Variants in DACH1 observed in about 807,000 individuals in gnomAD.
DACH1 encodes dachshund family transcription factor 1.
In DACH1, 12 loss-of-function variants were observed where a neutral mutation model predicts 54.2. The ratio of observed to expected loss-of-function variants is 0.22; its 90% CI spans 0.14 to 0.36. DACH1 has a LOEUF of 0.36. Among genes scored for constraint, DACH1 ranks in the 10% least tolerant of loss-of-function variants. The pLI is 1.00. For missense variants in DACH1, 805 were observed against 929.8 expected, an observed-to-expected ratio of 0.87 and a Z score of 1.75; for synonymous variants, 386 against 366.2, an observed-to-expected ratio of 1.05 and a Z score of -0.62.
intron 2 of DACH1, among the ~76,000 whole-genome samples, chr13:71,652,506 C>T (rs1421487572): frequency 6.6e-6 from 1 of 151,990 alleles, no homozygotes; most frequent in Non-Finnish European, 1.5e-5. Flanking sequence ...TTTAAAACTC[C>T]GAAGAACTAT....
At chr13:71,532,553 A>C (rs1882483946) in intron 6 of DACH1, among the ~76,000 whole-genome samples, 1 of 152,020 alleles carries the variant, frequency 6.6e-6, no homozygotes, top group African/African-American at 2.4e-5. Flanking sequence ...ATTATGAAAA[A>C]TGTATGCTAC....
intron 1 of DACH1, among the ~76,000 whole-genome samples, chr13:71,694,168 A>G (rs776928129): frequency 6.6e-6 from 1 of 151,992 alleles, no homozygotes; most frequent in Non-Finnish European, 1.5e-5. Flanking sequence ...GAAAATGTAC[A>G]TAACTAATTT....
At position 71,866,260 on chromosome 13, in the gene DACH1, T is replaced by C; in HGVS notation, c.510A>G (p.Lys170=). Residue 170 remains lysine (K), a synonymous_variant, in exon 1 of 11, where the codon AAA becomes AAG. Transcript: ENST00000613252. ...CTGGGGACGGGGTTGAGTACACGGGTTTCCCGGGGAGGGGGCCGCAGCTGC... is the reference window on the plus strand; with the variant it reads ...CTGGGGACGGGGTTGAGTACACGGGCTTCCCGGGGAGGGGGCCGCAGCTGC... The part of the protein sequence containing the change: ...SSSSCGPLPG[K]PVYSTPSPVE... The C allele has an allele frequency of 6.2e-7, 1 of 1,603,478 alleles. No homozygotes were observed.
intron 1 of DACH1, among the ~76,000 whole-genome samples, chr13:71,779,305 T>TACGTA (rs1178406932): frequency 6.9e-6 from 1 of 144,194 alleles, no homozygotes; most frequent in African/African-American, 2.6e-5. Flanking sequence ...ATATATATAT[T>TACGTA]TATATACATA....
At chr13:71,596,196 G>A (rs1033888784) in intron 3 of DACH1, among the ~76,000 whole-genome samples, 2 of 152,024 alleles carry the variant, frequency 1.3e-5, no homozygotes, top group African/African-American at 4.8e-5. Context: ...GTTTTCACTG[G>A]AAATAGTGTA....
intron 1 of DACH1, among the ~76,000 whole-genome samples, chr13:71,864,478 C>G (rs1874581457): frequency 6.6e-6 from 1 of 152,112 alleles, no homozygotes; most frequent in South Asian, 2.1e-4. Flanking sequence ...CCTAAGTTTC[C>G]CTATCTCTGC....
intron 1 of DACH1, among the ~76,000 whole-genome samples, chr13:71,814,872 G>A (rs1034587694): frequency 1.5e-4 from 23 of 152,160 alleles, no homozygotes; most frequent in African/African-American, 5.3e-4. Context: ...TTTTAGAGAA[G>A]GAGTTTGAAA....
At chr13:71,574,614 A>C (rs9564833) in intron 3 of DACH1, among the ~76,000 whole-genome samples, 39,590 of 151,882 alleles carry the variant, frequency 0.26, 7,446 homozygotes, top group African/African-American at 0.49. Context: ...AATTCAAACT[A>C]ATTAGCTCAA....
At chr13:71,556,961 T>A in intron 6 of DACH1, 63 bp downstream of exon 6, 4 of 1,481,310 alleles carry the variant, frequency 2.7e-6, no homozygotes, top group East Asian at 2.5e-5. Context: ...CATTGTGTGA[T>A]TAAAATCTAG....
chr13:71,723,524 C>G (rs1056828367), intron 1 of DACH1, among the ~76,000 whole-genome samples: 57 of 152,224 alleles, frequency 3.7e-4, no homozygotes, highest in African/African-American at 1.3e-3. Flanking sequence ...TAAATAGGTA[C>G]CTGAACAGTA....
chr13:71,555,275 A>T (rs1884165540), intron 6 of DACH1, among the ~76,000 whole-genome samples: 1 of 152,136 alleles, frequency 6.6e-6, no homozygotes, highest in Admixed American at 6.6e-5. Context: ...TATTATATTT[A>T]AATATCATTA....
At position 71,441,583 on chromosome 13, in the gene DACH1, G is replaced by A. The variant is rs532740018; in HGVS notation, c.2084-891C>T. ...AACAATCAGAAAAGGAAAGTTTTCC[G>A]AGCTTTGAAAAGTACATATTGCCAT... On this transcript the variant is annotated intron_variant, in intron 10 of 10. Transcript: ENST00000613252. Among the ~76,000 whole-genome samples, 8 of 152,048 alleles carry A rather than the reference G, an allele frequency of 5.3e-5. No homozygotes were observed. In the East Asian group the frequency reaches 5.8e-4, roughly 11 times the overall value.
At chr13:71,530,013 T>C (rs1391768087) in intron 6 of DACH1, among the ~76,000 whole-genome samples, 1 of 152,194 alleles carries the variant, frequency 6.6e-6, no homozygotes, top group Admixed American at 6.5e-5. Flanking sequence ...GTTGGCTTTT[T>C]CTCTTTTTGA....
chr13:71,473,600 T>C (rs893702880), intron 10 of DACH1, among the ~76,000 whole-genome samples: 3 of 152,188 alleles, frequency 2.0e-5, no homozygotes, highest in African/African-American at 7.2e-5. Flanking sequence ...GGCATACATA[T>C]TATATCATCA....
chr13:71,669,852 G>A (rs1180961041), intron 2 of DACH1, among the ~76,000 whole-genome samples: 1 of 152,160 alleles, frequency 6.6e-6, no homozygotes, highest in Non-Finnish European at 1.5e-5. Flanking sequence ...AGGGCAGGTA[G>A]TGTTACTCAA....
chr13:71,578,477 T>TA (rs1160679246), intron 3 of DACH1, among the ~76,000 whole-genome samples: 3 of 152,194 alleles, frequency 2.0e-5, no homozygotes, highest in African/African-American at 7.2e-5. Context: ...TTCACTCTAT[T>TA]AAAAAAATGA....
chr13:71,789,770 A>G (rs1349129451), intron 1 of DACH1, among the ~76,000 whole-genome samples: 2 of 152,114 alleles, frequency 1.3e-5, no homozygotes, highest in East Asian at 3.9e-4. Flanking sequence ...TTGCAACTGA[A>G]TTAGAATATT....
intron 1 of DACH1, among the ~76,000 whole-genome samples, chr13:71,731,220 T>C (rs1398751807): frequency 6.6e-6 from 1 of 151,938 alleles, no homozygotes; most frequent in African/African-American, 2.4e-5. Flanking sequence ...AGTCTATTAC[T>C]AGATTACTAG....
chr13:71,585,849 G>A (rs1392946774), intron 3 of DACH1, among the ~76,000 whole-genome samples: 1 of 152,066 alleles, frequency 6.6e-6, no homozygotes, highest in Non-Finnish European at 1.5e-5. Flanking sequence ...ACATTGATAT[G>A]ACCAGGGCAG....
Sources: allele counts gnomAD v4.1 joint callset (sites outside exome capture counted in the v4.1 genomes callset), GRCh38; gene constraint gnomAD v4.1.1; transcripts MANE v1.5; gene names NCBI Gene and HGNC (gene_info 2026-07-23, HGNC 2026-07-21).